The following PPM1F variants were observed in gnomAD, a reference collection of about 807,000 sequenced individuals.
The protein encoded by PPM1F is protein phosphatase, Mg2+/Mn2+ dependent 1F, also known as protein phosphatase 1F.
Under a neutral mutation model 35.5 loss-of-function variants are expected in PPM1F, and 17 were observed. The observed-to-expected ratio is 0.48, with a 90% CI of 0.33 to 0.72. PPM1F has a LOEUF of 0.72. Among genes scored for constraint, PPM1F ranks in the 30% least tolerant of loss-of-function variants. The pLI is 0.02. For synonymous variants in PPM1F, 241 were observed against 255.5 expected (o/e 0.94, Z 0.54); for missense variants, 521 against 613.0 (o/e 0.85, Z 1.59).
chr22:21,927,942 G>GTT lies in PPM1F; in HGVS notation c.892-2282_892-2281dup, dbSNP rs60216371. Among the ~76,000 whole-genome samples, 85 of 75,150 alleles carry GTT rather than the reference G, an allele frequency of 1.1e-3. 1 individual carries two copies. The highest frequency in any genetic ancestry group is 4.2e-3 in the African/African-American group (76 of 18,158). 49.3% of individuals were successfully genotyped at this position (75,150 alleles called of 152,430 possible). A position where few individuals can be genotyped will look rare whatever the true frequency, so the allele number is the denominator to read the frequency against. On this transcript the variant is annotated intron_variant, in intron 6 of 7. Transcript: ENST00000263212. Reference sequence around the variant, plus strand: ...GATTCTTGATTCTGTTTTTTGTTTTGTTTTTTTTTTTTTTTTTTTTTTTTT... The same window carrying GTT: ...GATTCTTGATTCTGTTTTTTGTTTTGTTTTTTTTTTTTTTTTTTTTTTTTTTT...
chr22:21,938,681 C>T, intron 3 of PPM1F: 6 of 854,776 alleles, frequency 7.0e-6, no homozygotes, highest in Non-Finnish European at 7.1e-6. Context: ...GCTGGCCTGT[C>T]CAGGGACAAC....
intron 7 of PPM1F, chr22:21,925,220 A>C (rs1005090860): frequency 3.3e-5 from 13 of 396,296 alleles, no homozygotes; most frequent in African/African-American, 2.7e-4. Flanking sequence ...CAAAAGAGAA[A>C]AAAGGATTGT....
At position 21,923,031 on chromosome 22, in the gene PPM1F, G is replaced by T; in HGVS notation, c.*61C>A. The T allele has an allele frequency of 6.5e-7, 1 of 1,535,308 alleles. No homozygotes were observed. The highest frequency in any genetic ancestry group is 8.7e-7 in the Non-Finnish European group (1 of 1,143,376). On this transcript the variant is annotated 3_prime_UTR_variant, in exon 8 of 8. Coordinates refer to ENST00000263212, the MANE Select transcript of PPM1F (RefSeq NM_014634.4). ...TGCCTGCCACCTGTTGGGTCCTGAG[G>T]CTTCTGAGGGAGAGAAGGACAAGGA...
At chr22:21,936,300 A>C (rs1024801498) in intron 3 of PPM1F, 1 of 152,106 alleles carries the variant, frequency 6.6e-6, no homozygotes, top group Non-Finnish European at 1.5e-5. Flanking sequence ...AAAAACCACC[A>C]GGGCCAGAAA....
At position 21,939,817 on chromosome 22, in the gene PPM1F, G is replaced by T; in HGVS notation, c.207-137C>A. 1 of 992,718 alleles carries T rather than the reference G, an allele frequency of 1.0e-6. No homozygotes were observed. Among genetic ancestry groups the T allele is most frequent in the Non-Finnish European group, 1.5e-6 (1 of 681,340 alleles). The allele number at this position is 992,718 out of a possible 1,614,324, so 61.5% of individuals were successfully genotyped here. The stretch of plus-strand genomic sequence containing the variant: ...CCCTGTCCTCAGGGAGCTGGGACAG[G>T]AAGGTCACAGGACAGCAAAGGCAGA... On this transcript the variant is annotated intron_variant, in intron 2 of 7. Transcript: ENST00000263212. This position sits in a 1 kb window ranked among gnomAD's most constrained non-coding sequence, Gnocchi z 5.1.
At chr22:21,934,419 C>A (rs1361698102) in intron 3 of PPM1F, 193 bp from the exon 4 acceptor site, 2 of 570,346 alleles carry the variant, frequency 3.5e-6, no homozygotes, top group Admixed American at 3.5e-5. Flanking sequence ...TGGCAACTTG[C>A]CCCTTGAAGT....
At position 21,933,357 on chromosome 22, in the gene PPM1F, A is replaced by C. The variant is rs765131294; in HGVS notation, c.747+34T>G. The C allele has an allele frequency of 1.1e-5, 18 of 1,575,464 alleles. No homozygotes were observed. In the Admixed American group the frequency reaches 3.0e-4, roughly 27 times the overall value. ...GAGGCTGGGACTCTCACTGGCCTCC[A>C]AACTGCACCTGAGGCCCAGCGGCCA... On this transcript the variant is annotated intron_variant, in intron 5 of 7. Coordinates refer to ENST00000263212, the MANE Select transcript of PPM1F (RefSeq NM_014634.4).
chr22:21,934,233 G>C lies in PPM1F; in HGVS notation c.356-7C>G. The stretch of plus-strand genomic sequence containing the variant: ...AGGCTTTGGGCATCCAGCACTGATG[G>C]GCACAATGGAGGGATTGTCAGGGAA... On this transcript the variant is annotated splice_polypyrimidine_tract_variant and splice_region_variant and intron_variant, in intron 3 of 7. Coordinates refer to ENST00000263212, the MANE Select transcript of PPM1F (RefSeq NM_014634.4). 3.9e-6 allele frequency: 6 copies of C among 1,556,604 alleles called. No homozygotes were observed. Among genetic ancestry groups the C allele is most frequent in the Non-Finnish European group, 5.2e-6 (6 of 1,147,428 alleles).
intron 1 of PPM1F, chr22:21,950,382 TAA>T: frequency 6.7e-6 from 1 of 150,122 alleles, no homozygotes; most frequent in Non-Finnish European, 1.5e-5. Context: ...ATCTGACTTG[TAA>T]AAAGTTTTTT....
Position 21,934,167 on chromosome 22 carries a change from G to A in PPM1F, c.415C>T (p.Gln139Ter). 6.3e-7 allele frequency: 1 copy of A among 1,578,534 alleles called. No homozygotes were observed. Among genetic ancestry groups the A allele is most frequent in the Non-Finnish European group, 8.6e-7 (1 of 1,162,038 alleles). Residue 139 changes from glutamine (Q) to a stop codon, truncating the protein, a stop_gained, in exon 4 of 8, where the codon CAG becomes TAG. Transcript: ENST00000263212. LOFTEE classifies it high-confidence loss of function. ...FFNRLWEVAG[Q>*]WQKQVPLAAR... Reference sequence around the variant, plus strand: ...GCCAATGGCACCTGCTTCTGCCACTGGCCGGCGACTTCCCAAAGGCGGTTA... The same window carrying A: ...GCCAATGGCACCTGCTTCTGCCACTAGCCGGCGACTTCCCAAAGGCGGTTA...
At chr22:21,923,586 G>A in intron 7 of PPM1F, 115 bp from the exon 8 acceptor site, 1 of 1,151,028 alleles carries the variant, frequency 8.7e-7, no homozygotes, top group South Asian at 1.6e-5. Flanking sequence ...CTGCTCTCAT[G>A]GGGTCTGGGG....
Position 21,939,206 on chromosome 22 carries a change from T to C in PPM1F, c.355+326A>G. ...GCTGCATGACCAGAGATCGATCACC[T>C]GTGAGATCCTCTGTGAAACGGGATA... On this transcript the variant is annotated intron_variant, in intron 3 of 7. Transcript: ENST00000263212. This position sits in a 1 kb window ranked among gnomAD's most constrained non-coding sequence, Gnocchi z 5.1. 6.7e-6 allele frequency: 2 copies of C among 297,258 alleles called. No individual in the cohort carries two copies. Among genetic ancestry groups the C allele is most frequent in the South Asian group, 4.2e-5 (1 of 23,938 alleles). 18.4% of individuals were successfully genotyped at this position (297,258 alleles called of 1,614,324 possible).
At chr22:21,930,356 T>C (rs899952605) in intron 6 of PPM1F, among the ~76,000 whole-genome samples, 15 of 152,210 alleles carry the variant, frequency 9.9e-5, no homozygotes, top group Admixed American at 9.2e-4. Context: ...GGATGTGTCC[T>C]ACAGATATAG....
At chr22:21,942,440 C>G (rs748248791) in intron 2 of PPM1F, 2 of 152,038 alleles carry the variant, frequency 1.3e-5, no homozygotes, top group Non-Finnish European at 2.9e-5. Context: ...TCAGCAGATT[C>G]GTGATTTTTA....
chr22:21,927,937 G>GTTTTTTTTTTTTTTTTTTTTTTTTT (rs1392008034), intron 6 of PPM1F, among the ~76,000 whole-genome samples: 1 of 68,106 alleles, frequency 1.5e-5, no homozygotes. Flanking sequence ...TCTGTTTTTT[G>GTTTTTTTTTTTTTTTTTTTTTTTTT]TTTTGTTTTT....
At chr22:21,926,383 C>T (rs527806979) in intron 6 of PPM1F, among the ~76,000 whole-genome samples, 3 of 152,178 alleles carry the variant, frequency 2.0e-5, no homozygotes, top group African/African-American at 4.8e-5. Flanking sequence ...CCACCCTCCT[C>T]GGCTTCCCAA....
chr22:21,940,991 T>C (rs1003343885), intron 2 of PPM1F: 1 of 152,270 alleles, frequency 6.6e-6, no homozygotes, highest in East Asian at 1.9e-4. Context: ...CTCAAACCCC[T>C]GGGCTCAAGA....
At chr22:21,942,093 G>C (rs1254612127) in intron 2 of PPM1F, 1 of 152,354 alleles carries the variant, frequency 6.6e-6, no homozygotes, top group Non-Finnish European at 1.5e-5. Context: ...TGAGAGTGGG[G>C]GTCAGGGGAG....
rs9610645 is a variant in PPM1F at position 21,934,188 on chromosome 22, G to A, written c.394C>T (p.Arg132Cys). ...CACTGGCCGGCGACTTCCCAAAGGC[G>A]GTTAAAGAAACTCTGTGCCAGGCTT... Reference protein sequence around the residue: ...AQSLAQSFFNRLWEVAGQWQK... With the variant: ...AQSLAQSFFNCLWEVAGQWQK... Residue 132 changes from arginine to cysteine, a missense_variant, in exon 4 of 8, where the codon CGC (arginine) becomes TGC (cysteine). Transcript: ENST00000263212. 175,004 of 1,577,632 alleles carry A rather than the reference G, an allele frequency of 0.11. 10,289 individuals are homozygous for A. The highest frequency in any genetic ancestry group is 0.12 in the Non-Finnish European group (138,167 of 1,161,338).
Sources: allele counts gnomAD v4.1 joint callset (sites outside exome capture counted in the v4.1 genomes callset), GRCh38; gene constraint gnomAD v4.1.1; non-coding constraint Gnocchi (gnomAD v3.1); transcripts MANE v1.5; gene names NCBI Gene and HGNC (gene_info 2026-07-23, HGNC 2026-07-21).